Variants in RFPL1 observed in about 807,000 individuals in gnomAD.
RFPL1 encodes the protein ret finger protein like 1, also known as ret finger protein-like 1.
Under a neutral mutation model 9.6 loss-of-function variants are expected in RFPL1, and 6 were observed. The observed-to-expected ratio is 0.62, with a 90% confidence interval of 0.34 to 1.23. RFPL1 has a LOEUF of 1.23. Among genes scored for constraint, RFPL1 ranks in the 50% most tolerant of loss-of-function variants. The pLI is 0.03. For missense variants in RFPL1, 352 were observed against 398.4 expected, an observed-to-expected ratio of 0.88 and a Z score of 0.99; for synonymous variants, 145 against 149.4, an observed-to-expected ratio of 0.97 and a Z score of 0.22.
At chr22:29,404,269 A>C in the RFPL1 span, among the ~76,000 whole-genome samples, 1 of 152,208 alleles carries the variant, frequency 6.6e-6, no homozygotes, top group East Asian at 1.9e-4. Context: ...TTTTCTCCTT[A>C]ACTTCAGTGG....
chr22:29,396,183 A>G, the RFPL1 span, among the ~76,000 whole-genome samples: 1 of 152,172 alleles, frequency 6.6e-6, no homozygotes, highest in Non-Finnish European at 1.5e-5. Flanking sequence ...CTATGGTTTG[A>G]ATGCATCCCC....
the RFPL1 span, among the ~76,000 whole-genome samples, chr22:29,395,228 A>AT: frequency 6.6e-6 from 1 of 152,080 alleles, no homozygotes; most frequent in African/African-American, 2.4e-5. Flanking sequence ...TTCTATATAC[A>AT]TTCCCAGCCT....
chr22:29,413,579 C>T, the RFPL1 span, among the ~76,000 whole-genome samples: 1 of 152,070 alleles, frequency 6.6e-6, no homozygotes, highest in Non-Finnish European at 1.5e-5. Flanking sequence ...TTTGACAATG[C>T]TTCCTGTATG....
chr22:29,433,738 A>G (rs755342270), upstream of RFPL1, among the ~76,000 whole-genome samples: 6 of 152,200 alleles, frequency 3.9e-5, no homozygotes, highest in Non-Finnish European at 7.3e-5. Context: ...TGAAGAAAAT[A>G]TAACATTTAA....
chr22:29,390,616 G>A, the RFPL1 span, among the ~76,000 whole-genome samples: 1 of 101,826 alleles, frequency 9.8e-6, no homozygotes, highest in African/African-American at 5.4e-5. Context: ...ATTTATTTTA[G>A]ACGGAGCCTC....
the RFPL1 span, among the ~76,000 whole-genome samples, chr22:29,428,398 CA>C: frequency 6.6e-6 from 1 of 152,062 alleles, no homozygotes; most frequent in Admixed American, 6.6e-5. Context: ...GACTCTAATA[CA>C]ATAATAATTA....
chr22:29,436,367 G>T (rs1161587016), upstream of RFPL1, among the ~76,000 whole-genome samples: 1 of 151,920 alleles, frequency 6.6e-6, no homozygotes, highest in Non-Finnish European at 1.5e-5. Context: ...GAGGCAGGCG[G>T]GTTACCTGAG....
upstream of RFPL1, chr22:29,434,762 CT>C (rs2062801047): frequency 6.5e-6 from 1 of 153,356 alleles, no homozygotes; most frequent in African/African-American, 2.4e-5. Flanking sequence ...TTTAACCACC[CT>C]CTGGGTGAGT....
At chr22:29,442,109 G>A (rs2062843846) in exon 2 of RFPL1, 3 of 1,543,100 alleles carry the variant, frequency 1.9e-6, no homozygotes, top group Non-Finnish European at 2.6e-6. Context: ...GTCCATCCTG[G>A]GGAGGCCAAA....
the RFPL1 span, chr22:29,388,567 A>T: frequency 1.3e-5 from 2 of 152,136 alleles, no homozygotes; most frequent in Non-Finnish European, 2.9e-5. Context: ...GGCGGAAGTG[A>T]GCTGCCCGCG....
the RFPL1 span, among the ~76,000 whole-genome samples, chr22:29,417,019 C>T: frequency 1.3e-5 from 2 of 152,072 alleles, no homozygotes; most frequent in South Asian, 2.1e-4. Context: ...CAGTCAAGGA[C>T]GTGTCAACAT....
chr22:29,425,906 T>C, the RFPL1 span, among the ~76,000 whole-genome samples: 2 of 151,622 alleles, frequency 1.3e-5, no homozygotes, highest in Non-Finnish European at 2.9e-5. Flanking sequence ...AAAAGAAAAT[T>C]ATTGATAATT....
At chr22:29,388,219 G>A in the RFPL1 span, among the ~76,000 whole-genome samples, 2 of 152,148 alleles carry the variant, frequency 1.3e-5, no homozygotes, top group African/African-American at 4.8e-5. Flanking sequence ...GTATGGGGCG[G>A]CCGAGGAACA....
chr22:29,405,498 T>G, the RFPL1 span, among the ~76,000 whole-genome samples: 1 of 152,124 alleles, frequency 6.6e-6, no homozygotes, highest in Non-Finnish European at 1.5e-5. Context: ...ATAGAGCAGG[T>G]GAGTAAATGC....
chr22:29,410,430 GTAGATATATATATCTATATA>G, the RFPL1 span, among the ~76,000 whole-genome samples: 32 of 75,848 alleles, frequency 4.2e-4, no homozygotes, highest in Admixed American at 1.0e-3. Context: ...TATATATATT[GTAGATATATATATCTATATA>G]TAGATATATA....
chr22:29,440,205 G>A (rs1048797982), intron 1 of RFPL1: 3 of 152,166 alleles, frequency 2.0e-5, no homozygotes, highest in Admixed American at 2.0e-4. Flanking sequence ...GCTGAAATAT[G>A]GAGGACAGAT....
the RFPL1 span, among the ~76,000 whole-genome samples, chr22:29,398,546 A>G: frequency 6.6e-6 from 1 of 152,094 alleles, no homozygotes; most frequent in Non-Finnish European, 1.5e-5. Context: ...AGCCACATGG[A>G]TCTAGATCGG....
chr22:29,426,695 C>T, the RFPL1 span, among the ~76,000 whole-genome samples: 1 of 152,082 alleles, frequency 6.6e-6, no homozygotes, highest in East Asian at 1.9e-4. Context: ...TTGCGGTGAG[C>T]AGAGATCGTG....
chr22:29,390,080 G>A, the RFPL1 span, among the ~76,000 whole-genome samples: 5 of 152,158 alleles, frequency 3.3e-5, no homozygotes, highest in African/African-American at 4.8e-5. Context: ...GATTATAGGC[G>A]TGAGCCACTG....
Sources: allele counts gnomAD v4.1 joint callset (sites outside exome capture counted in the v4.1 genomes callset), GRCh38; gene constraint gnomAD v4.1.1; transcripts MANE v1.5; gene names NCBI Gene and HGNC (gene_info 2026-07-23, HGNC 2026-07-21).